The following EPS8 variants were observed in gnomAD, a reference collection of about 807,000 sequenced individuals.
The protein encoded by EPS8 is EGFR pathway substrate 8, signaling adaptor, also known as epidermal growth factor receptor kinase substrate 8.
In EPS8, 42 loss-of-function variants were observed where a neutral mutation model predicts 103.8. The observed-to-expected ratio is 0.40, with a 90% confidence interval of 0.32 to 0.52. The LOEUF (loss-of-function observed/expected upper bound fraction) is 0.52. Among genes scored for constraint, EPS8 ranks in the 20% least tolerant of loss-of-function variants. The pLI is 0.40. For missense variants in EPS8, 969 were observed against 1,005.1 expected, an observed-to-expected ratio of 0.96 and a Z score of 0.49; for synonymous variants, 344 against 344.6, an observed-to-expected ratio of 1.00 and a Z score of 0.02.
chr12:15,765,875 G>A (rs1350237378), intron 1 of EPS8, among the ~76,000 whole-genome samples: 3 of 149,200 alleles, frequency 2.0e-5, no homozygotes, highest in Admixed American at 6.7e-5. Flanking sequence ...GTACAGTGGC[G>A]CAATCTCGGC....
rs995310420 is a variant in EPS8 at position 15,751,414 on chromosome 12, T to A, written c.-22+37747A>T. Among the ~76,000 whole-genome samples the A allele has an allele frequency of 6.6e-6, 1 of 152,120 alleles. No individual in the cohort carries two copies. The highest frequency in any genetic ancestry group is 1.5e-5 in the Non-Finnish European group (1 of 68,012). The stretch of plus-strand genomic sequence containing the variant: ...TGCCTTCTAGCCTCAACGCCACTGA[T>A]CCCAACATTTATTCATTCATTTTGC... On this transcript the variant is annotated intron_variant, in intron 1 of 20. Coordinates refer to ENST00000281172, the MANE Select transcript of EPS8 (RefSeq NM_004447.6). The surrounding 1 kb of genome is among the most constrained non-coding windows in gnomAD (Gnocchi z 4.3).
chr12:15,788,751 G>T (rs1017304631), intron 1 of EPS8, among the ~76,000 whole-genome samples: 3 of 152,200 alleles, frequency 2.0e-5, no homozygotes, highest in African/African-American at 7.2e-5. Flanking sequence ...ATTTGAGGCG[G>T]GTTGGCAGAG....
Position 15,751,218 on chromosome 12 carries a change from C to A in EPS8, c.-22+37943G>T, listed in dbSNP as rs953504164. ...ACTAAAAATATAAAAATTAGCCACA[C>A]GTAGTGGTGTGTGCCTGTAATCCCA... On this transcript the variant is annotated intron_variant, in intron 1 of 20. Transcript: ENST00000281172. This position sits in a 1 kb window ranked among gnomAD's most constrained non-coding sequence, Gnocchi z 4.3. Among the ~76,000 whole-genome samples, 2 of 152,020 alleles carry A rather than the reference C, an allele frequency of 1.3e-5. No individual in the cohort carries two copies. Among genetic ancestry groups the A allele is most frequent in the Non-Finnish European group, 1.5e-5 (1 of 68,016 alleles).
In EPS8 at chr12:15,748,252, G is replaced by A. The variant is rs1035842195; in HGVS notation, c.-22+40909C>T. ...AGCAAATGATATAATAATGTAAAAT[G>A]TTTTGAAAACTTCGAAATTCTTCAC... is the stretch of plus-strand genomic sequence containing the variant. On this transcript the variant is annotated intron_variant, in intron 1 of 20. Transcript: ENST00000281172. This position sits in a 1 kb window ranked among gnomAD's most constrained non-coding sequence, Gnocchi z 4.8. 1.3e-5 allele frequency among the ~76,000 whole-genome samples: 2 copies of A among 152,050 alleles called. No individual in the cohort carries two copies. The highest frequency in any genetic ancestry group is 2.4e-5 in the African/African-American group (1 of 41,376).
chr12:15,764,205 G>A lies in EPS8; in HGVS notation c.-22+24956C>T, dbSNP rs778166201. ...CCTTTATAAAACCATCAGATCTCGT[G>A]AGACTTATTCACTGTCACAAGAACA... On this transcript the variant is annotated intron_variant, in intron 1 of 20. Coordinates refer to ENST00000281172, the MANE Select transcript of EPS8 (RefSeq NM_004447.6). This position sits in a 1 kb window ranked among gnomAD's most constrained non-coding sequence, Gnocchi z 4.1. 4.7e-4 allele frequency among the ~76,000 whole-genome samples: 71 copies of A among 152,232 alleles called. No homozygotes were observed. The highest frequency in any genetic ancestry group is 8.2e-4 in the Non-Finnish European group (56 of 68,010).
chr12:15,720,002 C>T (rs1024659058), intron 1 of EPS8, among the ~76,000 whole-genome samples: 3 of 152,094 alleles, frequency 2.0e-5, no homozygotes, highest in African/African-American at 7.2e-5. Flanking sequence ...ACAAACAAAT[C>T]ATCAGTATAG....
At chr12:15,724,455 T>A (rs1946631180) in intron 1 of EPS8, among the ~76,000 whole-genome samples, 1 of 152,158 alleles carries the variant, frequency 6.6e-6, no homozygotes, top group Non-Finnish European at 1.5e-5. Flanking sequence ...TATGCATATC[T>A]CCCACACAAA....
intron 8 of EPS8, among the ~76,000 whole-genome samples, chr12:15,664,863 AT>A (rs1168051762): frequency 6.6e-6 from 1 of 152,154 alleles, no homozygotes; most frequent in Non-Finnish European, 1.5e-5. Flanking sequence ...ATTTTAAGGC[AT>A]TTTTTTAGTT....
At chr12:15,660,418 C>T (rs1196176288) in intron 10 of EPS8, among the ~76,000 whole-genome samples, 196 bp downstream of exon 10, 1 of 152,056 alleles carries the variant, frequency 6.6e-6, no homozygotes, top group Non-Finnish European at 1.5e-5. Flanking sequence ...CACATGCCAC[C>T]ATGCCCGGCT....
chr12:15,738,433 C>T lies in EPS8; in HGVS notation c.-22+50728G>A, dbSNP rs1946787491. ...AAGATGGGCTTCTGTCACTTAAATA[C>T]CCAAAGTTAAGTTACATTTTCAATA... On this transcript the variant is annotated intron_variant, in intron 1 of 20. Coordinates refer to ENST00000281172, the MANE Select transcript of EPS8 (RefSeq NM_004447.6). The surrounding 1 kb of genome is among the most constrained non-coding windows in gnomAD (Gnocchi z 6.2). 6.6e-6 allele frequency among the ~76,000 whole-genome samples: 1 copy of T among 152,108 alleles called. No individual in the cohort carries two copies. Among genetic ancestry groups the T allele is most frequent in the Non-Finnish European group, 1.5e-5 (1 of 68,012 alleles).
chr12:15,759,489 A>C lies in EPS8; in HGVS notation c.-22+29672T>G, dbSNP rs1185730956. On this transcript the variant is annotated intron_variant, in intron 1 of 20. Transcript: ENST00000281172. The surrounding 1 kb of genome is among the most constrained non-coding windows in gnomAD (Gnocchi z 4.9). Reference sequence around the variant, plus strand: ...TACACTAAAAAGTCTTCAGTCTCTTAAACTTCAGTAGGAAAAACAGAATTC... The same window carrying C: ...TACACTAAAAAGTCTTCAGTCTCTTCAACTTCAGTAGGAAAAACAGAATTC... Among the ~76,000 whole-genome samples, 1 of 152,132 alleles carries C rather than the reference A, an allele frequency of 6.6e-6. No individual in the cohort carries two copies. Among genetic ancestry groups the C allele is most frequent in the Non-Finnish European group, 1.5e-5 (1 of 67,952 alleles).
chr12:15,668,319 T>C (rs1167481153), intron 6 of EPS8, among the ~76,000 whole-genome samples: 1 of 152,194 alleles, frequency 6.6e-6, no homozygotes, highest in African/African-American at 2.4e-5. Context: ...ATCTATCATC[T>C]TTAAATGTCA....
rs1946292626 is a variant in EPS8 at position 15,700,052 on chromosome 12, G to A, written c.-21-17080C>T. ...AACGTGTAGTCGTAGCTACTCTGGA[G>A]GCTGAGGCACAAGAATTGTTTGAAC... On this transcript the variant is annotated intron_variant, in intron 1 of 20. Transcript: ENST00000281172. The surrounding 1 kb of genome is among the most constrained non-coding windows in gnomAD (Gnocchi z 5.1). 6.6e-6 allele frequency among the ~76,000 whole-genome samples: 1 copy of A among 152,170 alleles called. No homozygotes were observed. The highest frequency in any genetic ancestry group is 2.4e-5 in the African/African-American group (1 of 41,442).
In EPS8 at chr12:15,769,699, T is replaced by A. The variant is rs908560047; in HGVS notation, c.-22+19462A>T. The stretch of plus-strand genomic sequence containing the variant: ...TGAATTTCTCCCCAAACAATGAACA[T>A]CTCTATATAGTAACTCTATTTTCAG... On this transcript the variant is annotated intron_variant, in intron 1 of 20. Transcript: ENST00000281172. The surrounding 1 kb of genome is among the most constrained non-coding windows in gnomAD (Gnocchi z 4.6). 6.6e-6 allele frequency among the ~76,000 whole-genome samples: 1 copy of A among 152,100 alleles called. No individual in the cohort carries two copies. The highest frequency in any genetic ancestry group is 1.5e-5 in the Non-Finnish European group (1 of 68,010).
rs912077771 is a variant in EPS8 at position 15,776,685 on chromosome 12, G to A, written c.-22+12476C>T. On this transcript the variant is annotated intron_variant, in intron 1 of 20. Transcript: ENST00000281172. This position sits in a 1 kb window ranked among gnomAD's most constrained non-coding sequence, Gnocchi z 4.2. Reference sequence around the variant, plus strand: ...CTTAAATAATATATTGTTCCTTACAGCATATAATCAAAGTTCCCTAGATAT... The same window carrying A: ...CTTAAATAATATATTGTTCCTTACAACATATAATCAAAGTTCCCTAGATAT... Among the ~76,000 whole-genome samples, 1 of 152,076 alleles carries A rather than the reference G, an allele frequency of 6.6e-6. No homozygotes were observed. The highest frequency in any genetic ancestry group is 1.5e-5 in the Non-Finnish European group (1 of 68,018).
At chr12:15,629,869 A>G (rs903270544) in intron 18 of EPS8, among the ~76,000 whole-genome samples, 3 of 152,194 alleles carry the variant, frequency 2.0e-5, no homozygotes, top group African/African-American at 7.2e-5. Context: ...ATGTGGCAAT[A>G]ACTTACTGAC....
In EPS8 at chr12:15,725,194, CT is replaced by C. The variant is rs1488977006; in HGVS notation, c.-21-42223del. The stretch of plus-strand genomic sequence containing the variant: ...AGCCAGCAAATCTGATACTTACCTG[CT>C]AGATAACTGAAGCAATTTCTACTCG... On this transcript the variant is annotated intron_variant, in intron 1 of 20. Transcript: ENST00000281172. The surrounding 1 kb of genome is among the most constrained non-coding windows in gnomAD (Gnocchi z 4.5). 6.6e-6 allele frequency among the ~76,000 whole-genome samples: 1 copy of C among 152,058 alleles called. No individual in the cohort carries two copies. Among genetic ancestry groups the C allele is most frequent in the South Asian group, 2.1e-4 (1 of 4,828 alleles).
At chr12:15,636,964 T>G (rs1441143393) in intron 17 of EPS8, among the ~76,000 whole-genome samples, 1 of 152,228 alleles carries the variant, frequency 6.6e-6, no homozygotes, top group African/African-American at 2.4e-5. Flanking sequence ...CTTTAAACAT[T>G]AATACAGAGA....
At chr12:15,741,905 A>G (rs1946828126) in intron 1 of EPS8, among the ~76,000 whole-genome samples, 1 of 151,986 alleles carries the variant, frequency 6.6e-6, no homozygotes, top group Non-Finnish European at 1.5e-5. Context: ...GATGTTCCCC[A>G]TCCTGTGTCC....
Sources: gnomAD v4.1 joint callset for allele counts (sites outside exome capture counted in the v4.1 genomes callset) on GRCh38, gnomAD v4.1.1 for gene constraint, Gnocchi (gnomAD v3.1) non-coding constraint, MANE v1.5 for transcripts, NCBI Gene and HGNC (gene_info 2026-07-23, HGNC 2026-07-21) for gene names.